Variants in PTGES observed in about 807,000 individuals in gnomAD.
The protein encoded by PTGES is prostaglandin E synthase, also known as MGST1-like 1.
Under a neutral mutation model 11.8 loss-of-function variants are expected in PTGES, and 3 were observed. The ratio of observed to expected loss-of-function variants is 0.25; its 90% CI spans 0.12 to 0.66. The LOEUF (loss-of-function observed/expected upper bound fraction) is 0.66, where lower values mean the gene tolerates loss of function less well. Among genes scored for constraint, PTGES ranks in the 30% least tolerant of loss-of-function variants. The pLI is 0.82. For missense variants in PTGES, 180 were observed against 213.0 expected, an observed-to-expected ratio of 0.85 and a Z score of 0.96; for synonymous variants, 94 against 90.4, an observed-to-expected ratio of 1.04 and a Z score of -0.22.
rs1402561042 is a variant in PTGES at position 129,739,349 on chromosome 9, C to A, written c.*262G>T. On this transcript the variant is annotated 3_prime_UTR_variant, in exon 3 of 3. Coordinates refer to ENST00000340607, the MANE Select transcript of PTGES (RefSeq NM_004878.5). The surrounding 1 kb of genome is among the most constrained non-coding windows in gnomAD (Gnocchi z 5.7). ...TTACTTTAGCTGAAGGATTTTCTAT[C>A]AATCTTCACAATCTGTCTTGAAATG... 7 of 462,804 alleles carry A rather than the reference C, an allele frequency of 1.5e-5. No homozygotes were observed. The highest frequency in any genetic ancestry group is 2.3e-5 in the Non-Finnish European group (6 of 260,116). The allele number at this position is 462,804 out of a possible 1,614,324, so 28.7% of individuals were successfully genotyped here. A position where few individuals can be genotyped will look rare whatever the true frequency, so the allele number is the denominator to read the frequency against.
At chr9:129,749,120 G>A (rs549507987) in intron 1 of PTGES, among the ~76,000 whole-genome samples, 1 of 152,352 alleles carries the variant, frequency 6.6e-6, no homozygotes, top group African/African-American at 2.4e-5. Flanking sequence ...GGCTGGATGA[G>A]GTGGCTCACA....
intron 2 of PTGES, among the ~76,000 whole-genome samples, chr9:129,748,215 TAAAAAAAAAAAAAA>T (rs67000610): frequency 1.4e-5 from 1 of 71,030 alleles, no homozygotes; most frequent in Non-Finnish European, 2.7e-5. Flanking sequence ...GTTGCCATAT[TAAAAAAAAAAAAAA>T]AAAAAAAAAA....
intron 1 of PTGES, among the ~76,000 whole-genome samples, chr9:129,751,789 C>A (rs1833112711): frequency 6.6e-6 from 1 of 152,314 alleles, no homozygotes; most frequent in East Asian, 1.9e-4. Flanking sequence ...CCAGGTTCCT[C>A]ACCTAGAAAA....
intron 2 of PTGES, among the ~76,000 whole-genome samples, chr9:129,744,691 A>G (rs1451814426): frequency 1.3e-5 from 2 of 152,022 alleles, no homozygotes; most frequent in African/African-American, 4.8e-5. Flanking sequence ...AGCCTAGCCA[A>G]CATGGTGAAA....
In PTGES at chr9:129,748,723, G is replaced by C; in HGVS notation, c.141C>G (p.Pro47=). The change falls in exon 2 of 3, where the codon CCC becomes CCG. Residue 47 remains proline (P), a synonymous_variant. Transcript: ENST00000340607. The stretch of plus-strand genomic sequence containing the variant: ...GGCCTCCGTGTCTCAGGGCATCCTC[G>C]GGGTTGGCAAAGGCCTGAAATATAC... ...VRLRKKAFAN[P]EDALRHGGPQ... is the part of the protein sequence containing the mutation. The C allele has an allele frequency of 6.3e-7, 1 of 1,591,696 alleles. No homozygotes were observed. Among genetic ancestry groups the C allele is most frequent in the East Asian group, 2.3e-5 (1 of 42,956 alleles).
At chr9:129,748,042 A>G (rs10448289) in intron 2 of PTGES, among the ~76,000 whole-genome samples, 14,438 of 140,364 alleles carry the variant, frequency 0.1, 998 homozygotes, top group East Asian at 0.18. Flanking sequence ...AAAAAGAGGT[A>G]TTGAGGCCTT....
chr9:129,739,854 G>T lies in PTGES; in HGVS notation c.216C>A (p.His72Gln), dbSNP rs1015006278. The T allele has an allele frequency of 1.3e-6, 2 of 1,567,300 alleles. No individual in the cohort carries two copies. The highest frequency in any genetic ancestry group is 8.7e-7 in the Non-Finnish European group (1 of 1,155,582). ...GGTAGATGGTCTCCATGTCGTTCCG[G>T]TGGGCCCTGGGGAGACAAGAGGGGT... ...DPDVERCLRA[H>Q]RNDMETIYPF... Residue 72 changes from histidine (H) to glutamine (Q), a missense_variant, in exon 3 of 3, where the codon CAC becomes CAA. Physicochemically the swap from His to Gln is conservative, Grantham distance 24 (BLOSUM62 0). Coordinates refer to ENST00000340607, the MANE Select transcript of PTGES (RefSeq NM_004878.5). The surrounding 1 kb of genome is among the most constrained non-coding windows in gnomAD (Gnocchi z 5.7).
At chr9:129,740,055 T>C (rs1420530666) in intron 2 of PTGES, among the ~76,000 whole-genome samples, 195 bp from the exon 3 acceptor site, 1 of 151,976 alleles carries the variant, frequency 6.6e-6, no homozygotes, top group East Asian at 1.9e-4. Context: ...TCCAAGCTTA[T>C]GCTTGCAAGC....
At chr9:129,744,877 C>T (rs35960834) in intron 2 of PTGES, among the ~76,000 whole-genome samples, 1 of 143,076 alleles carries the variant, frequency 7.0e-6, no homozygotes. Flanking sequence ...AAGTCCATCT[C>T]AAAAAAAAAA....
chr9:129,739,808 C>T lies in PTGES; in HGVS notation c.262G>A (p.Val88Ile), dbSNP rs781327043. 23 of 1,571,462 alleles carry T rather than the reference C, an allele frequency of 1.5e-5. No individual in the cohort carries two copies. Among genetic ancestry groups the T allele is most frequent in the South Asian group, 1.4e-4 (12 of 85,438 alleles). The change falls in exon 3 of 3, where the codon GTC (valine) becomes ATC (isoleucine). Residue 88 changes from valine to isoleucine, a missense_variant. By Grantham distance (29) the Val-to-Ile change is conservative. Coordinates refer to ENST00000340607, the MANE Select transcript of PTGES (RefSeq NM_004878.5). The surrounding 1 kb of genome is among the most constrained non-coding windows in gnomAD (Gnocchi z 5.7). ...GGGTTAGGACCCAGAAAGGAGTAGA[C>T]GAAGCCCAGGAAAAGGAAGGGGTAG... ...TIYPFLFLGF[V>I]YSFLGPNPFV...
At chr9:129,742,074 T>C (rs973040108) in intron 2 of PTGES, among the ~76,000 whole-genome samples, 1 of 151,904 alleles carries the variant, frequency 6.6e-6, no homozygotes, top group Non-Finnish European at 1.5e-5. Flanking sequence ...TCCCAGCATT[T>C]TGGGAGGCTG....
chr9:129,742,612 ATT>A lies in PTGES; in HGVS notation c.210-2754_210-2753del, dbSNP rs368164056. On this transcript the variant is annotated intron_variant, in intron 2 of 2. Coordinates refer to ENST00000340607, the MANE Select transcript of PTGES (RefSeq NM_004878.5). ...GCTATTCCTTAAAGTATGTGTTGAT[ATT>A]TTAAGAGTAAGTCCTTTGGGAGGCT... is the stretch of plus-strand genomic sequence containing the variant. Among the ~76,000 whole-genome samples the A allele has an allele frequency of 2.9e-3, 446 of 152,222 alleles. 3 individuals are homozygous for A. The highest frequency in any genetic ancestry group is 0.01 in the African/African-American group (418 of 41,546).
Position 129,739,852 on chromosome 9 carries a change from C to A in PTGES, c.218G>T (p.Arg73Leu). Residue 73 changes from arginine (R) to leucine (L), a missense_variant, in exon 3 of 3, where the codon CGG (arginine) becomes CTG (leucine). By Grantham distance (102) the Arg-to-Leu change is moderately radical (BLOSUM62 -2). Coordinates refer to ENST00000340607, the MANE Select transcript of PTGES (RefSeq NM_004878.5). The surrounding 1 kb of genome is among the most constrained non-coding windows in gnomAD (Gnocchi z 5.7). Reference sequence around the variant, plus strand: ...GGGGTAGATGGTCTCCATGTCGTTCCGGTGGGCCCTGGGGAGACAAGAGGG... The same window carrying A: ...GGGGTAGATGGTCTCCATGTCGTTCAGGTGGGCCCTGGGGAGACAAGAGGG... ...PDVERCLRAHRNDMETIYPFL... is the reference protein window; with the variant it reads ...PDVERCLRAHLNDMETIYPFL... 6.4e-7 allele frequency: 1 copy of A among 1,567,872 alleles called. No homozygotes were observed.
chr9:129,748,271 T>A (rs1339529995), intron 2 of PTGES, among the ~76,000 whole-genome samples: 5 of 147,830 alleles, frequency 3.4e-5, no homozygotes, highest in Non-Finnish European at 7.4e-5. Context: ...AAAGGGTGAT[T>A]CTATGGGGCA....
At chr9:129,740,071 A>G (rs1832980631) in intron 2 of PTGES, among the ~76,000 whole-genome samples, 1 of 151,968 alleles carries the variant, frequency 6.6e-6, no homozygotes, top group Non-Finnish European at 1.5e-5. Flanking sequence ...CAAGCAGCTG[A>G]GGCAGCGAGG....
rs137872903 is a variant in PTGES at position 129,752,106 on chromosome 9, G to A, written c.126+781C>T. On this transcript the variant is annotated intron_variant, in intron 1 of 2. Coordinates refer to ENST00000340607, the MANE Select transcript of PTGES (RefSeq NM_004878.5). Reference sequence around the variant, plus strand: ...ACTCCCCAGGATCCACCCGCATGCAGTGCCAGAGCCAGCCTTGCCTCACCT... The same window carrying A: ...ACTCCCCAGGATCCACCCGCATGCAATGCCAGAGCCAGCCTTGCCTCACCT... 2.1e-3 allele frequency among the ~76,000 whole-genome samples: 316 copies of A among 152,354 alleles called. 9 individuals carry two copies. The East Asian group carries it at 0.054, about 26-fold the overall frequency.
At chr9:129,752,728 G>A (rs943602513) in intron 1 of PTGES, among the ~76,000 whole-genome samples, 159 bp downstream of exon 1, 5 of 152,376 alleles carry the variant, frequency 3.3e-5, no homozygotes, top group East Asian at 1.9e-4. Context: ...TTGCTGACAC[G>A]TGGGACTGGC....
intron 2 of PTGES, among the ~76,000 whole-genome samples, chr9:129,740,756 G>A (rs546390902): frequency 1.4e-4 from 21 of 152,284 alleles, no homozygotes; most frequent in Admixed American, 3.3e-4. Flanking sequence ...GGGAGGTTGA[G>A]TCCCATAAAT....
intron 2 of PTGES, among the ~76,000 whole-genome samples, chr9:129,740,799 T>C (rs1832987262): frequency 6.6e-6 from 1 of 152,124 alleles, no homozygotes. Flanking sequence ...ACCCATAGAT[T>C]GCCACATTGG....
Sources: gnomAD v4.1 joint callset for allele counts (sites outside exome capture counted in the v4.1 genomes callset) on GRCh38, gnomAD v4.1.1 for gene constraint, Gnocchi (gnomAD v3.1) non-coding constraint, MANE v1.5 for transcripts, NCBI Gene and HGNC (gene_info 2026-07-23, HGNC 2026-07-21) for gene names.